The following IL4R variants were observed in gnomAD, a reference collection of about 807,000 sequenced individuals.
IL4R encodes the protein interleukin 4 receptor.
A neutral mutation model predicts 41.5 loss-of-function variants in IL4R; 17 were observed. That is an observed-to-expected ratio of 0.41 (90% confidence interval 0.28 to 0.61). The LOEUF (loss-of-function observed/expected upper bound fraction) is 0.61, where lower values mean the gene tolerates loss of function less well. Ranked by LOEUF, IL4R falls within the 20% of genes least tolerant of loss-of-function variation. The pLI is 0.31. For synonymous variants in IL4R, 402 were observed against 422.9 expected (o/e 0.95, Z 0.61); for missense variants, 974 against 1,043.1 (o/e 0.93, Z 0.91).
At chr16:27,326,910 G>T (rs2084970635) in intron 1 of IL4R, among the ~76,000 whole-genome samples, 1 of 152,160 alleles carries the variant, frequency 6.6e-6, no homozygotes, top group Admixed American at 6.5e-5. Context: ...TCCCAGTGGG[G>T]CCACCGACGT....
Position 27,344,870 on chromosome 16 carries a change from G to A in IL4R, c.211G>A (p.Ala71Thr). The A allele has an allele frequency of 1.9e-6, 3 of 1,614,136 alleles. No homozygotes were observed. The highest frequency in any genetic ancestry group is 2.5e-6 in the Non-Finnish European group (3 of 1,180,020). ...CTAACCCAGCCCCTGTGTCTGCAGA[G>A]CCCACACGTGTATCCCTGAGAACAA... ...LYQLVFLLSE[A>T]HTCIPENNGG... The change falls in exon 5 of 11, where the codon GCC (alanine) becomes ACC (threonine). Residue 71 changes from alanine to threonine, a missense_variant and splice_region_variant. Around this residue, in one of 3 missense-constraint regions of IL4R, gnomAD observed 284 missense variants for 313.4 expected, o/e 0.91. Transcript: ENST00000395762.
chr16:27,325,715 A>G lies in IL4R; in HGVS notation c.-151-4351A>G, dbSNP rs117122626. 5.8e-3 allele frequency among the ~76,000 whole-genome samples: 879 copies of G among 152,256 alleles called. 9 individuals carry two copies. Among genetic ancestry groups the G allele is most frequent in the Non-Finnish European group, 8.8e-3 (597 of 67,980 alleles). ...TGTTAAAATAAGAATAAAATAAAAT[A>G]CACATGCTCACTTATTGAGTGCCTG... On this transcript the variant is annotated intron_variant, in intron 1 of 10. Transcript: ENST00000395762.
intron 7 of IL4R, 29 bp downstream of exon 7, chr16:27,352,725 A>C: frequency 2.5e-6 from 4 of 1,606,512 alleles, no homozygotes; most frequent in Non-Finnish European, 3.4e-6. Flanking sequence ...AAGCAATGGT[A>C]ATCTCCACTC....
chr16:27,339,194 A>G (rs916211029), intron 2 of IL4R, among the ~76,000 whole-genome samples: 1 of 152,048 alleles, frequency 6.6e-6, no homozygotes, highest in Non-Finnish European at 1.5e-5. Flanking sequence ...AAAATTCACC[A>G]TGAGGTCTCA....
chr16:27,348,278 A>G (rs750942327), intron 6 of IL4R, among the ~76,000 whole-genome samples: 7 of 152,102 alleles, frequency 4.6e-5, no homozygotes, highest in Non-Finnish European at 1.0e-4. Context: ...GAAGGAGTGC[A>G]CAGATGCTAG....
chr16:27,361,468 AAGTTTTTGTAAAG>A (rs1482887670), intron 10 of IL4R, among the ~76,000 whole-genome samples: 1 of 151,882 alleles, frequency 6.6e-6, no homozygotes, highest in East Asian at 2.0e-4. Flanking sequence ...ATACCAAAAA[AAGTTTTTGTAAAG>A]ACAAGCTCTC....
chr16:27,335,730 G>C (rs2085243704), intron 2 of IL4R, among the ~76,000 whole-genome samples: 2 of 152,094 alleles, frequency 1.3e-5, no homozygotes, highest in African/African-American at 2.4e-5. Context: ...CCTGGAATCA[G>C]CTATTTCTCT....
intron 1 of IL4R, among the ~76,000 whole-genome samples, chr16:27,314,660 G>A (rs1389264601): frequency 2.0e-5 from 3 of 152,266 alleles, no homozygotes; most frequent in Middle Eastern, 3.4e-3. Context: ...GCCCACTTGG[G>A]AGTCCGTGGG....
chr16:27,313,794 C>A, upstream of IL4R: 1 of 476,078 alleles, frequency 2.1e-6, no homozygotes, highest in Non-Finnish European at 2.8e-6. Flanking sequence ...GCGGCGGCGG[C>A]GGGGACAGCG....
At chr16:27,331,055 CA>C (rs200037780) in intron 2 of IL4R, among the ~76,000 whole-genome samples, 16,588 of 152,070 alleles carry the variant, frequency 0.11, 1,101 homozygotes, top group Non-Finnish European at 0.14. Flanking sequence ...CACATCCCCC[CA>C]GACTTCTCAA....
At chr16:27,347,010 G>A (rs1416308222) in intron 6 of IL4R, among the ~76,000 whole-genome samples, 1 of 152,176 alleles carries the variant, frequency 6.6e-6, no homozygotes, top group Non-Finnish European at 1.5e-5. Context: ...GTTCCCTTTT[G>A]AGGCCAACGG....
At chr16:27,353,725 C>T (rs117026454) in intron 7 of IL4R, among the ~76,000 whole-genome samples, 1,601 of 152,244 alleles carry the variant, frequency 0.011, 18 homozygotes, top group Middle Eastern at 0.017. Flanking sequence ...TTTTGACCTC[C>T]TGGGCTCCAG....
chr16:27,352,355 G>A (rs933432769), intron 6 of IL4R, among the ~76,000 whole-genome samples, 185 bp from the exon 7 acceptor site: 3 of 152,160 alleles, frequency 2.0e-5, no homozygotes, highest in African/African-American at 7.2e-5. Context: ...GGAGCCTGAC[G>A]CATGTTGCTG....
chr16:27,322,690 A>G (rs1360202246), intron 1 of IL4R, among the ~76,000 whole-genome samples: 4 of 152,162 alleles, frequency 2.6e-5, no homozygotes. Flanking sequence ...AGTCTAGGTG[A>G]CAGAGTGAGA....
At chr16:27,346,338 C>T (rs2085642625) in intron 5 of IL4R, 129 bp from the exon 6 acceptor site, 1 of 719,878 alleles carries the variant, frequency 1.4e-6, no homozygotes, top group Non-Finnish European at 2.4e-6. Flanking sequence ...TGTGGTGCTC[C>T]AGAAGTATGC....
intron 1 of IL4R, among the ~76,000 whole-genome samples, chr16:27,317,803 A>T (rs1045602792): frequency 7.9e-5 from 12 of 152,192 alleles, no homozygotes; most frequent in African/African-American, 2.9e-4. Context: ...GGGTGTTTGC[A>T]GGGAGAGCAT....
intron 3 of IL4R, among the ~76,000 whole-genome samples, chr16:27,340,594 C>T (rs897577056): frequency 1.3e-5 from 2 of 152,084 alleles, no homozygotes; most frequent in African/African-American, 4.8e-5. Context: ...TGGCAGTGCA[C>T]GCCTGTAGCC....
chr16:27,342,184 A>AG lies in IL4R; in HGVS notation c.135dup (p.Trp46ValfsTer32). 6.2e-7 allele frequency: 1 copy of AG among 1,614,182 alleles called. No homozygotes were observed. The highest frequency in any genetic ancestry group is 8.5e-7 in the Non-Finnish European group (1 of 1,180,034). The stretch of plus-strand genomic sequence containing the variant: ...GACTACATGAGCATCTCTACTTGCG[A>AG]GTGGAAGATGAATGGTCCCACCAAT... On this transcript the variant is annotated frameshift_variant, in exon 4 of 11. Coordinates refer to ENST00000395762, the MANE Select transcript of IL4R (RefSeq NM_000418.4). LOFTEE classifies it high-confidence loss of function.
intron 1 of IL4R, among the ~76,000 whole-genome samples, chr16:27,317,104 A>G (rs933640464): frequency 6.6e-6 from 1 of 152,082 alleles, no homozygotes; most frequent in Non-Finnish European, 1.5e-5. Flanking sequence ...GGATCTTGCT[A>G]TGTTGCCTAG....
Sources: gnomAD v4.1 joint callset for allele counts (sites outside exome capture counted in the v4.1 genomes callset) on GRCh38, gnomAD v4.1.1 for gene constraint, gnomAD v4.1.1 regional missense constraint, MANE v1.5 for transcripts, NCBI Gene and HGNC (gene_info 2026-07-23, HGNC 2026-07-21) for gene names.